HYAL4: variants seen among roughly 807,000 people sequenced by gnomAD.
HYAL4 encodes the protein hyaluronidase 4.
Under a neutral mutation model 35.2 loss-of-function variants are expected in HYAL4, and 37 were observed. That is an observed-to-expected ratio of 1.05 (90% CI 0.81 to 1.38). The LOEUF (loss-of-function observed/expected upper bound fraction) is 1.38. Ranked by LOEUF, HYAL4 falls within the 40% of genes most tolerant of loss-of-function variation. HYAL4 has a pLI of 0.00. For missense variants in HYAL4, 572 were observed against 572.4 expected (o/e 1.00, Z 0.01); for synonymous variants, 198 against 203.2 (o/e 0.97, Z 0.22).
At chr7:123,857,124 G>T (rs970195886) in intron 2 of HYAL4, among the ~76,000 whole-genome samples, 1 of 152,186 alleles carries the variant, frequency 6.6e-6, no homozygotes, top group Non-Finnish European at 1.5e-5. Flanking sequence ...GCTGGGCTCC[G>T]TGGAGGTGGG....
chr7:123,785,545 C>G, the HYAL4 span, among the ~76,000 whole-genome samples: 38,586 of 152,124 alleles, frequency 0.25, 5,226 homozygotes, highest in Middle Eastern at 0.35. This position sits in a 1 kb window ranked among gnomAD's most constrained non-coding sequence, Gnocchi z 4.5. Flanking sequence ...TTGTCTAAGG[C>G]AAGTTAACTT....
At position 123,848,110 on chromosome 7, in the gene HYAL4, T is replaced by G. The variant is rs1413672761; in HGVS notation, c.-100T>G. On this transcript the variant is annotated 5_prime_UTR_variant, in exon 2 of 5. Coordinates refer to ENST00000223026, the MANE Select transcript of HYAL4 (RefSeq NM_012269.3). ...ACAGGACATCCTTTGCCATTCAACCTCTGATTTGCACAAGGTGACTAAAGG... is the reference window on the plus strand; with the variant it reads ...ACAGGACATCCTTTGCCATTCAACCGCTGATTTGCACAAGGTGACTAAAGG... 1 of 152,606 alleles carries G rather than the reference T, an allele frequency of 6.6e-6. No individual in the cohort carries two copies. 9.5% of individuals were successfully genotyped at this position (152,606 alleles called of 1,614,324 possible).
the HYAL4 span, among the ~76,000 whole-genome samples, chr7:123,790,134 C>T: frequency 6.6e-6 from 1 of 152,196 alleles, no homozygotes; most frequent in Non-Finnish European, 1.5e-5. Context: ...TGCCCACCCA[C>T]ATTAGCCAAT....
chr7:123,795,575 T>G, the HYAL4 span, among the ~76,000 whole-genome samples: 13 of 152,252 alleles, frequency 8.5e-5, no homozygotes, highest in African/African-American at 2.6e-4. Flanking sequence ...TATAAGGGGC[T>G]TTCCCCCCTT....
chr7:123,772,489 A>C, the HYAL4 span, among the ~76,000 whole-genome samples: 1 of 152,214 alleles, frequency 6.6e-6, no homozygotes, highest in Non-Finnish European at 1.5e-5. Context: ...CTTGTGCACA[A>C]ATAACAGGAT....
the HYAL4 span, among the ~76,000 whole-genome samples, chr7:123,766,119 T>C: frequency 6.6e-6 from 1 of 152,156 alleles, no homozygotes; most frequent in Non-Finnish European, 1.5e-5. Flanking sequence ...TAATTCCTAA[T>C]AGAAAAGGCC....
chr7:123,867,220 T>A (rs1806713067), intron 2 of HYAL4, among the ~76,000 whole-genome samples: 1 of 152,130 alleles, frequency 6.6e-6, no homozygotes, highest in Admixed American at 6.5e-5. Flanking sequence ...AGGCCTTATT[T>A]GGGTGCTGCA....
At chr7:123,798,608 C>T in the HYAL4 span, among the ~76,000 whole-genome samples, 1 of 152,164 alleles carries the variant, frequency 6.6e-6, no homozygotes, top group Non-Finnish European at 1.5e-5. Flanking sequence ...ATCACGTTCA[C>T]GGGGCTGACA....
the HYAL4 span, among the ~76,000 whole-genome samples, chr7:123,807,066 C>G: frequency 4.6e-5 from 7 of 152,138 alleles, no homozygotes; most frequent in Non-Finnish European, 1.0e-4. Context: ...AGATTTAAAG[C>G]TTATGTGATA....
chr7:123,861,253 T>TGG (rs908142638), intron 2 of HYAL4, among the ~76,000 whole-genome samples: 27 of 152,146 alleles, frequency 1.8e-4, no homozygotes, highest in African/African-American at 6.3e-4. Context: ...GTCATTTTTA[T>TGG]GGGGAGGGAA....
At chr7:123,836,782 A>C (rs1471852340) in intron 1 of HYAL4, among the ~76,000 whole-genome samples, 1 of 152,072 alleles carries the variant, frequency 6.6e-6, no homozygotes, top group African/African-American at 2.4e-5. Flanking sequence ...TAATCCCAGC[A>C]CCCTGGGAGG....
At chr7:123,769,891 G>C in the HYAL4 span, among the ~76,000 whole-genome samples, 10 of 150,546 alleles carry the variant, frequency 6.6e-5, no homozygotes, top group African/African-American at 2.4e-4. Flanking sequence ...TGTGATATGA[G>C]GACTCGTGGA....
chr7:123,832,251 T>C (rs180791955), intron 1 of HYAL4, among the ~76,000 whole-genome samples: 29 of 152,210 alleles, frequency 1.9e-4, no homozygotes, highest in Admixed American at 1.8e-3. Context: ...GAACAGCTCA[T>C]ATATCTAAAG....
intron 2 of HYAL4, among the ~76,000 whole-genome samples, chr7:123,854,932 C>T (rs1018468398): frequency 6.6e-6 from 1 of 152,062 alleles, no homozygotes; most frequent in African/African-American, 2.4e-5. Context: ...ATATTTAGGA[C>T]AGTTAGCTCT....
the HYAL4 span, among the ~76,000 whole-genome samples, chr7:123,800,273 C>T: frequency 6.6e-6 from 1 of 150,648 alleles, no homozygotes; most frequent in Non-Finnish European, 1.5e-5. Context: ...GGGTTCACGC[C>T]ATTCTCCTGC....
the HYAL4 span, among the ~76,000 whole-genome samples, chr7:123,772,235 C>T: frequency 3.9e-5 from 6 of 152,046 alleles, no homozygotes; most frequent in Non-Finnish European, 8.8e-5. Flanking sequence ...TATATATTTC[C>T]TACTGGTTTT....
chr7:123,873,643 G>T (rs1806939689), intron 3 of HYAL4, among the ~76,000 whole-genome samples: 1 of 152,150 alleles, frequency 6.6e-6, no homozygotes, highest in South Asian at 2.1e-4. Context: ...CCTAAAGAGT[G>T]GGGTGAGGGA....
intron 3 of HYAL4, among the ~76,000 whole-genome samples, chr7:123,870,738 C>T (rs1206448563): frequency 2.1e-5 from 3 of 144,126 alleles, no homozygotes; most frequent in Admixed American, 7.1e-5. Context: ...CCAGCCTGGG[C>T]GACAGAGCGA....
Position 123,874,783 on chromosome 7 carries a change from G to A in HYAL4, c.977G>A (p.Gly326Glu), listed in dbSNP as rs2116968905. Residue 326 changes from glycine to glutamate, a missense_variant, in exon 4 of 5, where the codon GGA (glycine) becomes GAA (glutamate). Transcript: ENST00000223026. ...TAGCAAGATCTAGTCAGCACCATAG[G>A]AGAAAGTGCTGCCTTGGGAGCTGCA... Reference protein sequence around the residue: ...LSKQDLVSTIGESAALGAAGI... With the variant: ...LSKQDLVSTIEESAALGAAGI... 1.2e-6 allele frequency: 2 copies of A among 1,605,514 alleles called. No homozygotes were observed. Among genetic ancestry groups the A allele is most frequent in the East Asian group, 4.5e-5 (2 of 44,846 alleles).
Sources: allele counts gnomAD v4.1 joint callset (sites outside exome capture counted in the v4.1 genomes callset), GRCh38; gene constraint gnomAD v4.1.1; non-coding constraint Gnocchi (gnomAD v3.1); transcripts MANE v1.5; gene names NCBI Gene and HGNC (gene_info 2026-07-23, HGNC 2026-07-21).